STOX2: variants seen among roughly 807,000 people sequenced by gnomAD.
The protein encoded by STOX2 is storkhead box 2.
A neutral mutation model predicts 60.9 loss-of-function variants in STOX2; 28 were observed. That is an observed-to-expected ratio of 0.46 (90% CI 0.34 to 0.63). The LOEUF (loss-of-function observed/expected upper bound fraction) is 0.63. STOX2 is among the 30% of genes least tolerant of loss of function. The probability of loss-of-function intolerance (pLI) is 0.01; values close to 1 mark genes in which losing one functional copy is unlikely to be tolerated. For synonymous variants in STOX2, 472 were observed against 463.9 expected, an observed-to-expected ratio of 1.02 and a Z score of -0.22; for missense variants, 1,024 against 1,187.7, an observed-to-expected ratio of 0.86 and a Z score of 2.03.
At chr4:183,802,497 C>T (rs559969034) in intron 1 of STOX2, among the ~76,000 whole-genome samples, 3 of 152,116 alleles carry the variant, frequency 2.0e-5, no homozygotes, top group Non-Finnish European at 4.4e-5. Flanking sequence ...GCCTCAGCCT[C>T]CCTAGTAGGT....
intron 1 of STOX2, among the ~76,000 whole-genome samples, chr4:183,858,048 G>A (rs1305536255): frequency 1.3e-5 from 2 of 152,162 alleles, no homozygotes; most frequent in Non-Finnish European, 2.9e-5. Flanking sequence ...CCACAGTGAG[G>A]AGCGGGTAGT....
At chr4:184,016,971 G>A (rs1462672203) in intron 3 of STOX2, 118 bp from the exon 4 acceptor site, 4 of 819,596 alleles carry the variant, frequency 4.9e-6, no homozygotes, top group Non-Finnish European at 7.5e-6. Context: ...ATATTGATAT[G>A]ACATTATGAA....
intron 1 of STOX2, among the ~76,000 whole-genome samples, chr4:183,829,474 A>T (rs532295979): frequency 6.6e-6 from 1 of 152,338 alleles, no homozygotes; most frequent in South Asian, 2.1e-4. Flanking sequence ...ACTGTTATAC[A>T]TAACTAGAAG....
At chr4:184,013,130 C>T (rs1159747032) in intron 3 of STOX2, among the ~76,000 whole-genome samples, 2 of 152,182 alleles carry the variant, frequency 1.3e-5, no homozygotes, top group African/African-American at 2.4e-5. Context: ...CCTGGGCTTC[C>T]ACAGACAGGA....
chr4:183,834,183 G>T (rs1348906321), intron 1 of STOX2, among the ~76,000 whole-genome samples: 1 of 152,000 alleles, frequency 6.6e-6, no homozygotes, highest in Non-Finnish European at 1.5e-5. Flanking sequence ...AGCATTCATT[G>T]ATCTTCCTTT....
intron 1 of STOX2, among the ~76,000 whole-genome samples, chr4:183,948,523 C>G (rs1479330921): frequency 7.7e-6 from 1 of 129,128 alleles, no homozygotes; most frequent in Admixed American, 8.2e-5. Context: ...AAGCTGTTAA[C>G]TTGTTAATGC....
intron 1 of STOX2, among the ~76,000 whole-genome samples, chr4:183,976,278 C>T (rs1325899083): frequency 6.6e-6 from 1 of 152,142 alleles, no homozygotes; most frequent in African/African-American, 2.4e-5. Flanking sequence ...CGCCACTGCA[C>T]TCCAGCCTGG....
chr4:183,833,673 C>T (rs1231655497), intron 1 of STOX2, among the ~76,000 whole-genome samples: 1 of 150,174 alleles, frequency 6.7e-6, no homozygotes, highest in Non-Finnish European at 1.5e-5. Context: ...CAGAGTTTCA[C>T]CAAAGCAGGT....
chr4:183,841,878 A>T (rs1283080447), intron 1 of STOX2, among the ~76,000 whole-genome samples: 1 of 152,214 alleles, frequency 6.6e-6, no homozygotes, highest in Non-Finnish European at 1.5e-5. Context: ...TTTCCCATAG[A>T]GTCATACAAT....
intron 1 of STOX2, among the ~76,000 whole-genome samples, chr4:183,846,893 T>C (rs2111136652): frequency 6.6e-6 from 1 of 152,328 alleles, no homozygotes; most frequent in Middle Eastern, 3.4e-3. Context: ...TCAGATTCTT[T>C]CTGATTCTCA....
rs79380500 is a variant in STOX2 at position 183,826,025 on chromosome 4, T to C, written c.364+27970T>C. Among the ~76,000 whole-genome samples, 668 of 152,148 alleles carry C rather than the reference T, an allele frequency of 4.4e-3. 5 individuals are homozygous for C. Among genetic ancestry groups the C allele is most frequent in the African/African-American group, 0.016 (653 of 41,470 alleles). ...GTTTGTCTAATCTAGAAGTTCTCAGTTTTTAGTGCACAACAGACTCATCGG... is the reference window on the plus strand; with the variant it reads ...GTTTGTCTAATCTAGAAGTTCTCAGCTTTTAGTGCACAACAGACTCATCGG... On this transcript the variant is annotated intron_variant, in intron 1 of 2. Coordinates refer to the STOX2 transcript ENST00000513034.
At position 184,011,297 on chromosome 4, in the gene STOX2, A is replaced by C. The variant is rs745829081; in HGVS notation, c.2459A>C (p.Lys820Thr). Residue 820 changes from lysine (K) to threonine (T), a missense_variant, in exon 3 of 4, where the codon AAG becomes ACG. This residue lies in a region of STOX2 where 922 missense variants were observed against 1,058.3 expected (regional missense o/e 0.87). Transcript: ENST00000308497. This position sits in a 1 kb window ranked among gnomAD's most constrained non-coding sequence, Gnocchi z 4.4. Reference protein sequence around the residue: ...KERDLQRKFEKNLTLLAPKET... With the variant: ...KERDLQRKFETNLTLLAPKET... ...AGAGACTTGCAGAGGAAATTTGAAAAGAACCTCACCCTTCTTGCTCCAAAA... is the reference window on the plus strand; with the variant it reads ...AGAGACTTGCAGAGGAAATTTGAAACGAACCTCACCCTTCTTGCTCCAAAA... 6.8e-6 allele frequency: 11 copies of C among 1,613,878 alleles called. No homozygotes were observed. The East Asian group carries it at 2.5e-4, about 36-fold the overall frequency.
At chr4:184,003,290 A>T (rs1328451850) in intron 2 of STOX2, among the ~76,000 whole-genome samples, 1 of 152,220 alleles carries the variant, frequency 6.6e-6, no homozygotes, top group African/African-American at 2.4e-5. Flanking sequence ...TTTGGGCTCT[A>T]AAATAAATAA....
At chr4:183,852,694 A>G (rs961734533) in intron 1 of STOX2, among the ~76,000 whole-genome samples, 1 of 152,180 alleles carries the variant, frequency 6.6e-6, no homozygotes, top group Non-Finnish European at 1.5e-5. Flanking sequence ...TTTTTTCTGC[A>G]TTTAGCGGTG....
chr4:183,820,535 A>T (rs1362318601), intron 1 of STOX2, among the ~76,000 whole-genome samples: 1 of 152,238 alleles, frequency 6.6e-6, no homozygotes, highest in African/African-American at 2.4e-5. Flanking sequence ...CAATGAGATT[A>T]AAACCATAAA....
chr4:183,990,269 C>T (rs780064987), intron 1 of STOX2, among the ~76,000 whole-genome samples: 3 of 152,210 alleles, frequency 2.0e-5, no homozygotes, highest in Admixed American at 2.0e-4. Context: ...AAAGTTCTCC[C>T]TAATCACCCC....
intron 1 of STOX2, among the ~76,000 whole-genome samples, chr4:183,894,625 A>C (rs1328773110): frequency 6.6e-6 from 1 of 151,938 alleles, no homozygotes; most frequent in Non-Finnish European, 1.5e-5. Flanking sequence ...TTTTTGATAT[A>C]TGATTTTAAT....
intron 1 of STOX2, among the ~76,000 whole-genome samples, chr4:183,881,160 C>T (rs1165797846): frequency 6.6e-6 from 1 of 152,136 alleles, no homozygotes; most frequent in Non-Finnish European, 1.5e-5. Flanking sequence ...GAAAGAGGTG[C>T]AGCCACACCA....
chr4:183,885,094 T>C (rs1319209937), intron 1 of STOX2, among the ~76,000 whole-genome samples: 1 of 152,150 alleles, frequency 6.6e-6, no homozygotes, highest in East Asian at 1.9e-4. Context: ...ACCCGTGTCT[T>C]CTGGTAATTG....
Sources: gnomAD v4.1 joint callset for allele counts (sites outside exome capture counted in the v4.1 genomes callset) on GRCh38, gnomAD v4.1.1 for gene constraint, gnomAD v4.1.1 regional missense constraint, Gnocchi (gnomAD v3.1) non-coding constraint, MANE v1.5 for transcripts, NCBI Gene and HGNC (gene_info 2026-07-23, HGNC 2026-07-21) for gene names.